The following LYZL1 variants were observed in gnomAD, a reference collection of about 807,000 sequenced individuals.
LYZL1 encodes the protein lysozyme like 1.
A neutral mutation model predicts 17.9 loss-of-function variants in LYZL1; 16 were observed. The observed-to-expected ratio is 0.90, with a 90% CI of 0.61 to 1.36. The LOEUF (loss-of-function observed/expected upper bound fraction) is 1.36. Among genes scored for constraint, LYZL1 ranks in the 40% most tolerant of loss-of-function variants. The pLI, the probability that LYZL1 is intolerant of heterozygous loss-of-function variation, is 0.00. For synonymous variants in LYZL1, 58 were observed against 71.8 expected (o/e 0.81, Z 0.97); for missense variants, 149 against 188.4 (o/e 0.79, Z 1.22).
In LYZL1 at chr10:29,306,411, G is replaced by A. The variant is rs12268643; in HGVS notation, c.299-3699G>A. 2.7e-3 allele frequency among the ~76,000 whole-genome samples: 402 copies of A among 146,514 alleles called. 18 individuals carry two copies. Among genetic ancestry groups the A allele is most frequent in the African/African-American group, 9.7e-3 (388 of 39,820 alleles). On this transcript the variant is annotated intron_variant, in intron 3 of 4. Transcript: ENST00000649382. ...TAAAAATACAAAAAATTAGCCGGGC[G>A]TAGTGGCGGGCGCCTGTAGTCCCAG...
chr10:29,303,963 G>A (rs1224715111), intron 3 of LYZL1, among the ~76,000 whole-genome samples: 1 of 152,154 alleles, frequency 6.6e-6, no homozygotes, highest in African/African-American at 2.4e-5. Flanking sequence ...GTCTCGCCAT[G>A]TTGCCCAAGC....
chr10:29,298,135 A>G (rs952077015), intron 3 of LYZL1, among the ~76,000 whole-genome samples: 1 of 152,172 alleles, frequency 6.6e-6, no homozygotes, highest in Non-Finnish European at 1.5e-5. Context: ...TAAAGACTCT[A>G]CTTACAAAAA....
chr10:29,296,174 G>A (rs535832800), intron 3 of LYZL1, among the ~76,000 whole-genome samples: 42 of 152,182 alleles, frequency 2.8e-4, no homozygotes, highest in East Asian at 1.5e-3. Context: ...AAAGGGATTC[G>A]AGAATCAATA....
chr10:29,293,141 T>C (rs973965302), intron 3 of LYZL1, among the ~76,000 whole-genome samples: 5 of 144,892 alleles, frequency 3.5e-5, no homozygotes, highest in Non-Finnish European at 6.1e-5. Flanking sequence ...TTTCTTTTTT[T>C]TTTTTTTTTG....
chr10:29,289,533 C>T (rs1277273627), intron 1 of LYZL1, among the ~76,000 whole-genome samples: 1 of 151,548 alleles, frequency 6.6e-6, no homozygotes, highest in African/African-American at 2.4e-5. Context: ...ATCCTCCCAC[C>T]TCAGCCTCCC....
chr10:29,293,236 G>A (rs1373413689), intron 3 of LYZL1, among the ~76,000 whole-genome samples: 3 of 145,854 alleles, frequency 2.1e-5, no homozygotes, highest in Admixed American at 7.1e-5. Flanking sequence ...GGCCCCAAGT[G>A]ATCCTCCCTC....
intron 3 of LYZL1, among the ~76,000 whole-genome samples, chr10:29,308,580 C>A (rs1835627509): frequency 6.6e-6 from 1 of 152,216 alleles, no homozygotes; most frequent in East Asian, 1.9e-4. Context: ...GAGAAGGATT[C>A]TGAGGCTACT....
At position 29,299,114 on chromosome 10, in the gene LYZL1, C is replaced by T. The variant is rs541586357; in HGVS notation, c.298+6437C>T. On this transcript the variant is annotated intron_variant, in intron 3 of 4. Coordinates refer to ENST00000649382, the MANE Select transcript of LYZL1 (RefSeq NM_032517.6). ...TGCATGCTCAGTTCACAATAGGGTT[C>T]GCACTCCTATGAGAATCTAATGCTG... Among the ~76,000 whole-genome samples, 140 of 152,200 alleles carry T rather than the reference C, an allele frequency of 9.2e-4. 2 individuals carry two copies. The Middle Eastern group carries it at 0.014, about 15-fold the overall frequency.
chr10:29,292,310 C>G (rs936026030), intron 2 of LYZL1, among the ~76,000 whole-genome samples: 5 of 151,626 alleles, frequency 3.3e-5, no homozygotes, highest in African/African-American at 1.2e-4. Flanking sequence ...TTAGGCTCAG[C>G]CCCTGACTGG....
intron 2 of LYZL1, among the ~76,000 whole-genome samples, chr10:29,292,274 T>G (rs964226242): frequency 2.0e-5 from 3 of 148,060 alleles, no homozygotes; most frequent in African/African-American, 5.0e-5. Context: ...TTGTGGGGAG[T>G]GGGGGGACCT....
At position 29,292,511 on chromosome 10, in the gene LYZL1, C is replaced by G. The variant is rs3818550; in HGVS notation, c.140-8C>G. ...CTTTGCTGGCGTTTCTGGCTTTCCC[C>G]CCTCCAGGGATCTGCATGGCATATT... is the stretch of plus-strand genomic sequence containing the variant. On this transcript the variant is annotated splice_region_variant and splice_polypyrimidine_tract_variant and intron_variant, in intron 2 of 4. Transcript: ENST00000649382. The G allele has an allele frequency of 6.2e-7, 1 of 1,610,888 alleles. No homozygotes were observed. Among genetic ancestry groups the G allele is most frequent in the African/African-American group, 1.3e-5 (1 of 74,768 alleles).
At chr10:29,313,660 A>G (rs17222399), downstream of LYZL1, among the ~76,000 whole-genome samples, 260 of 152,300 alleles carry the variant, frequency 1.7e-3, no homozygotes, top group Admixed American at 4.8e-3. Flanking sequence ...AAAAGAATAC[A>G]TTTTCCCAGA....
At chr10:29,308,135 T>G (rs1313355222) in intron 3 of LYZL1, among the ~76,000 whole-genome samples, 1 of 152,246 alleles carries the variant, frequency 6.6e-6, no homozygotes, top group Non-Finnish European at 1.5e-5. Context: ...GAGATGGGCC[T>G]CCCAGATCCC....
At chr10:29,300,386 A>G (rs756939983) in intron 3 of LYZL1, among the ~76,000 whole-genome samples, 3 of 152,194 alleles carry the variant, frequency 2.0e-5, no homozygotes, top group South Asian at 4.1e-4. Context: ...CACTTCATAT[A>G]TAACATATGA....
At chr10:29,309,721 C>A (rs756029978) in intron 3 of LYZL1, among the ~76,000 whole-genome samples, 17 of 152,152 alleles carry the variant, frequency 1.1e-4, no homozygotes, top group Non-Finnish European at 1.9e-4. Flanking sequence ...GACTCAAACT[C>A]CTGGCCTCAA....
chr10:29,295,142 C>A (rs966536722), intron 3 of LYZL1, among the ~76,000 whole-genome samples: 1 of 152,182 alleles, frequency 6.6e-6, no homozygotes, highest in African/African-American at 2.4e-5. Flanking sequence ...CCTACCCTAA[C>A]ATTGATAAAG....
At chr10:29,291,765 G>T (rs1480073391) in intron 1 of LYZL1, 78 bp from the exon 2 acceptor site, 1 of 1,483,422 alleles carries the variant, frequency 6.7e-7, no homozygotes, top group African/African-American at 1.4e-5. Context: ...TCTAGGCAGG[G>T]CTGTGCACAG....
downstream of LYZL1, among the ~76,000 whole-genome samples, chr10:29,313,212 C>T (rs1357386904): frequency 6.6e-6 from 1 of 152,204 alleles, no homozygotes; most frequent in East Asian, 1.9e-4. Context: ...TTTTGAACCC[C>T]ATCTAAGAAT....
chr10:29,304,278 A>G (rs1340105685), intron 3 of LYZL1, among the ~76,000 whole-genome samples: 2 of 152,240 alleles, frequency 1.3e-5, no homozygotes, highest in African/African-American at 2.4e-5. Flanking sequence ...CCCCAACAGC[A>G]CAGATTTCAT....
Sources: allele counts gnomAD v4.1 joint callset (sites outside exome capture counted in the v4.1 genomes callset), GRCh38; gene constraint gnomAD v4.1.1; transcripts MANE v1.5; gene names NCBI Gene and HGNC (gene_info 2026-07-23, HGNC 2026-07-21).